MAPKBP1: variants seen among roughly 807,000 people sequenced by gnomAD.
MAPKBP1 encodes the protein mitogen-activated protein kinase binding protein 1, also known as mitogen-activated protein kinase-binding protein 1.
In MAPKBP1, 71 loss-of-function variants were observed where a neutral mutation model predicts 170.5. That is an observed-to-expected ratio of 0.42 (90% CI 0.34 to 0.51). The LOEUF is 0.51. MAPKBP1 is among the 20% of genes least tolerant of loss of function. The probability of loss-of-function intolerance (pLI) is 0.06; values close to 1 mark genes in which losing one functional copy is unlikely to be tolerated. For synonymous variants in MAPKBP1, 719 were observed against 757.9 expected (o/e 0.95, Z 0.84); for missense variants, 1,598 against 1,933.0 (o/e 0.83, Z 3.25).
intron 3 of MAPKBP1, among the ~76,000 whole-genome samples, chr15:41,800,494 C>T (rs1013915607): frequency 2.0e-5 from 3 of 152,116 alleles, no homozygotes; most frequent in Non-Finnish European, 4.4e-5. Context: ...AGGCGCACTG[C>T]CCCATGCCTG....
At chr15:41,795,889 G>A (rs962779981) in intron 2 of MAPKBP1, among the ~76,000 whole-genome samples, 8 of 152,164 alleles carry the variant, frequency 5.3e-5, no homozygotes, top group South Asian at 2.1e-4. Flanking sequence ...GATTACAGGC[G>A]TGAGCCACCA....
At chr15:41,808,410 A>G (rs1429246693) in intron 3 of MAPKBP1, among the ~76,000 whole-genome samples, 1 of 150,232 alleles carries the variant, frequency 6.7e-6, no homozygotes, top group Non-Finnish European at 1.5e-5. Flanking sequence ...CGGCTCTGTT[A>G]TAATTTTCGT....
intron 3 of MAPKBP1, among the ~76,000 whole-genome samples, chr15:41,807,827 C>T (rs1197973242): frequency 3.3e-5 from 5 of 152,128 alleles, no homozygotes; most frequent in Non-Finnish European, 7.3e-5. Flanking sequence ...CACCTGAGGT[C>T]AGGAGTTTGA....
At position 41,826,623 on chromosome 15, in the gene MAPKBP1, C is replaced by T. The variant is rs1250064377; in HGVS notation, c.*1187C>T. On this transcript the variant is annotated 3_prime_UTR_variant, in exon 31 of 31. Transcript: ENST00000457542. ...CTGATACGAGATAGCCCATAGGACA[C>T]CTGGTTTAGGTAGAAGGAGCCTCCT... 1 of 151,694 alleles carries T rather than the reference C, an allele frequency of 6.6e-6. No individual in the cohort carries two copies. The allele number at this position is 151,694 out of a possible 1,614,324, so 9.4% of individuals were successfully genotyped here.
chr15:41,774,927 C>G, intron 1 of MAPKBP1: 1 of 473,344 alleles, frequency 2.1e-6, no homozygotes, highest in Non-Finnish European at 3.7e-6. Context: ...AACTGGGGCC[C>G]ATCCCATCCA....
In MAPKBP1 at chr15:41,825,425, C is replaced by T. The variant is rs768023124; in HGVS notation, c.4516C>T (p.Arg1506Cys). 19 of 1,606,222 alleles carry T rather than the reference C, an allele frequency of 1.2e-5. No homozygotes were observed. The highest frequency in any genetic ancestry group is 1.1e-4 in the East Asian group (5 of 44,656). Residue 1506 changes from arginine to cysteine, a missense_variant, in exon 31 of 31, where the codon CGC (arginine) becomes TGC (cysteine). Arg to Cys is a radical substitution (Grantham distance 180, BLOSUM62 -3). Coordinates refer to ENST00000457542, the MANE Select transcript of MAPKBP1 (RefSeq NM_014994.3). ...TCGAGCCGTGGAACGGCGTATGGAA[C>T]GCAAACTCTGAGTTCTGGAAGCCTG... ...LLRAVERRME[R>C]KL
At chr15:41,796,587 G>A (rs543590732) in intron 2 of MAPKBP1, among the ~76,000 whole-genome samples, 11 of 152,070 alleles carry the variant, frequency 7.2e-5, no homozygotes, top group African/African-American at 2.4e-4. Context: ...CTTCCACAGA[G>A]CCAAAGGAAA....
chr15:41,778,855 A>T (rs1255416816), intron 2 of MAPKBP1, among the ~76,000 whole-genome samples: 2 of 152,262 alleles, frequency 1.3e-5, no homozygotes, highest in Middle Eastern at 3.4e-3. Flanking sequence ...TTACAAAAGG[A>T]TTGTCTGTGC....
In MAPKBP1 at chr15:41,819,878, G is replaced by C. The variant is rs549539038; in HGVS notation, c.2481+228G>C. ...TCCTTCCTGTGGACCAGTTGGGGTG[G>C]ATGGAGCACAGGGTTAGTCAGCACT... On this transcript the variant is annotated intron_variant, in intron 22 of 30. Coordinates refer to ENST00000457542, the MANE Select transcript of MAPKBP1 (RefSeq NM_014994.3). 5.9e-5 allele frequency among the ~76,000 whole-genome samples: 9 copies of C among 152,322 alleles called. 1 individual carries two copies. In the East Asian group the frequency reaches 1.2e-3, roughly 20 times the overall value.
chr15:41,804,268 G>T (rs934905838), intron 3 of MAPKBP1, among the ~76,000 whole-genome samples: 1 of 152,252 alleles, frequency 6.6e-6, no homozygotes, highest in East Asian at 1.9e-4. Flanking sequence ...TTTGGGGTCA[G>T]TGTCTCTCCC....
At position 41,813,604 on chromosome 15, in the gene MAPKBP1, A is replaced by G; in HGVS notation, c.820-17A>G. On this transcript the variant is annotated splice_polypyrimidine_tract_variant and intron_variant, in intron 8 of 30. Transcript: ENST00000457542. Reference sequence around the variant, plus strand: ...GTGGGCAGGTGGCCTTGCTGAGCTGAGCCACTCTGCCCACAGACCACAGTG... The same window carrying G: ...GTGGGCAGGTGGCCTTGCTGAGCTGGGCCACTCTGCCCACAGACCACAGTG... 1 of 1,611,556 alleles carries G rather than the reference A, an allele frequency of 6.2e-7. No individual in the cohort carries two copies. Among genetic ancestry groups the G allele is most frequent in the Non-Finnish European group, 8.5e-7 (1 of 1,179,138 alleles).
rs1225537440 is a variant in MAPKBP1, at chr15:41,818,274, C to T, written c.2061C>T (p.Gly687=). 6.2e-7 allele frequency: 1 copy of T among 1,614,106 alleles called. No homozygotes were observed. Among genetic ancestry groups the T allele is most frequent in the Non-Finnish European group, 8.5e-7 (1 of 1,180,004 alleles). Residue 687 remains glycine, a synonymous_variant, in exon 18 of 31, where the codon GGC becomes GGT. Transcript: ENST00000457542. The surrounding 1 kb of genome is among the most constrained non-coding windows in gnomAD (Gnocchi z 5.2). ...KNLSIFDFSS[G]ECVATMFGHS... ...TCTCCATTTTTGACTTCTCCTCAGG[C>T]GAGTGCGTGGCCACCATGTTTGGCC...
intron 2 of MAPKBP1, among the ~76,000 whole-genome samples, chr15:41,784,344 T>C (rs974217561): frequency 2.0e-5 from 3 of 151,918 alleles, no homozygotes; most frequent in Non-Finnish European, 1.5e-5. Flanking sequence ...AAAGAGCTTC[T>C]CAAGAGTTAA....
chr15:41,808,049 GAAAA>G (rs1168595786), intron 3 of MAPKBP1, among the ~76,000 whole-genome samples: 2 of 138,618 alleles, frequency 1.4e-5, no homozygotes, highest in South Asian at 4.9e-4. Flanking sequence ...AAAAAAAAAA[GAAAA>G]AAAAATCTAA....
At position 41,823,000 on chromosome 15, in the gene MAPKBP1, G is replaced by C. The variant is rs1267358411; in HGVS notation, c.3376G>C (p.Ala1126Pro). 6 of 1,613,878 alleles carry C rather than the reference G, an allele frequency of 3.7e-6. No individual in the cohort carries two copies. The African/African-American group carries it at 8.0e-5, about 22-fold the overall frequency. The change falls in exon 28 of 31, where the codon GCA becomes CCA. Residue 1126 changes from alanine (A) to proline (P), a missense_variant. By Grantham distance (27) the Ala-to-Pro change is conservative (BLOSUM62 -1). This residue lies in a region of MAPKBP1 where 942 missense variants were observed against 953.2 expected (regional missense o/e 0.99). Coordinates refer to ENST00000457542, the MANE Select transcript of MAPKBP1 (RefSeq NM_014994.3). Reference sequence around the variant, plus strand: ...GTCGAGACCAGCCCAGGTGCCACAGGCATCTGGTGAGCAGCCGAGAGGCAA... The same window carrying C: ...GTCGAGACCAGCCCAGGTGCCACAGCCATCTGGTGAGCAGCCGAGAGGCAA... ...LMSRPAQVPQ[A>P]SGEQPRGNGA...
intron 2 of MAPKBP1, among the ~76,000 whole-genome samples, chr15:41,777,197 C>T (rs1199504492): frequency 3.3e-5 from 5 of 152,072 alleles, no homozygotes; most frequent in African/African-American, 7.2e-5. Context: ...AAAAATTAGC[C>T]GGGCGTGGTG....
At chr15:41,814,429 C>A (rs1349938936) in intron 9 of MAPKBP1, 121 bp from the exon 10 acceptor site, 12 of 942,598 alleles carry the variant, frequency 1.3e-5, no homozygotes, top group African/African-American at 1.7e-5. Context: ...TTCTCTCAAG[C>A]AACTACTTCC....
intron 13 of MAPKBP1, 66 bp from the exon 14 acceptor site, chr15:41,816,844 C>G: frequency 6.5e-7 from 1 of 1,550,124 alleles, no homozygotes; most frequent in Non-Finnish European, 8.7e-7. Flanking sequence ...CCTTGGGGCT[C>G]TTTGCCAGGC....
At chr15:41,802,860 A>T (rs2064621839) in intron 3 of MAPKBP1, among the ~76,000 whole-genome samples, 1 of 152,206 alleles carries the variant, frequency 6.6e-6, no homozygotes, top group African/African-American at 2.4e-5. Flanking sequence ...AGACACAAAC[A>T]CACACATTAG....
Sources: gnomAD v4.1 joint callset for allele counts (sites outside exome capture counted in the v4.1 genomes callset) on GRCh38, gnomAD v4.1.1 for gene constraint, gnomAD v4.1.1 regional missense constraint, Gnocchi (gnomAD v3.1) non-coding constraint, MANE v1.5 for transcripts, NCBI Gene and HGNC (gene_info 2026-07-23, HGNC 2026-07-21) for gene names.